Variants in NALCN observed in about 807,000 individuals in gnomAD.
The protein encoded by NALCN is sodium leak channel NALCN.
In NALCN, 111 loss-of-function variants were observed where a neutral mutation model predicts 225.3. That is an observed-to-expected ratio of 0.49 (90% CI 0.42 to 0.58). The LOEUF is 0.58. Among genes scored for constraint, NALCN ranks in the 20% least tolerant of loss-of-function variants. NALCN has a pLI of 0.00. For missense variants in NALCN, 1,378 were observed against 2,202.4 expected (o/e 0.63, Z 7.49); for synonymous variants, 764 against 769.0 (o/e 0.99, Z 0.11).
intron 7 of NALCN, among the ~76,000 whole-genome samples, chr13:101,304,414 G>A (rs1160300040): frequency 1.3e-5 from 2 of 152,018 alleles, no homozygotes; most frequent in Non-Finnish European, 2.9e-5. Context: ...TTGTCCTCAT[G>A]CTCTCCCTCC....
chr13:101,161,405 T>G (rs545731398), intron 15 of NALCN, among the ~76,000 whole-genome samples: 1 of 152,324 alleles, frequency 6.6e-6, no homozygotes, highest in African/African-American at 2.4e-5. Context: ...ATTTCATTCA[T>G]GCAACTGTAG....
At position 101,089,741 on chromosome 13, in the gene NALCN, A is replaced by G. The variant is rs886921977; in HGVS notation, c.3411T>C (p.His1137=). 1.2e-6 allele frequency: 2 copies of G among 1,613,976 alleles called. No individual in the cohort carries two copies. The highest frequency in any genetic ancestry group is 1.7e-6 in the Non-Finnish European group (2 of 1,179,938). Reference sequence around the variant, plus strand: ...TCATGCAACCCAGGAATACAAAAACATGAATATAGATTCCATGGATCTGCA... The same window carrying G: ...TCATGCAACCCAGGAATACAAAAACGTGAATATAGATTCCATGGATCTGCA... The part of the protein sequence containing the change: ...RVGPIHGIYI[H]VFVFLGCMIG... The change falls in exon 30 of 44, where the codon CAT becomes CAC. Residue 1137 remains histidine, a synonymous_variant. Coordinates refer to ENST00000251127, the MANE Select transcript of NALCN (RefSeq NM_052867.4). This position sits in a 1 kb window ranked among gnomAD's most constrained non-coding sequence, Gnocchi z 4.7.
chr13:101,252,364 T>A (rs925060262), intron 11 of NALCN, among the ~76,000 whole-genome samples: 2 of 152,320 alleles, frequency 1.3e-5, no homozygotes, highest in East Asian at 3.9e-4. Context: ...AAAATAAATA[T>A]TTCCTGTGGG....
intron 20 of NALCN, among the ~76,000 whole-genome samples, chr13:101,108,128 G>T (rs1170897949): frequency 6.8e-6 from 1 of 147,820 alleles, no homozygotes; most frequent in South Asian, 2.1e-4. Flanking sequence ...TATACTAAAG[G>T]TATATATTTA....
chr13:101,221,829 T>C (rs1000944221), intron 13 of NALCN, among the ~76,000 whole-genome samples: 1 of 152,168 alleles, frequency 6.6e-6, no homozygotes, highest in Non-Finnish European at 1.5e-5. Flanking sequence ...ACAAATCCCA[T>C]TTCCTAAAAC....
chr13:101,415,228 T>TAC (rs1555349521), intron 1 of NALCN, among the ~76,000 whole-genome samples: 62,438 of 125,410 alleles, frequency 0.5, 17,801 homozygotes, highest in Non-Finnish European at 0.63. Flanking sequence ...TATATATACA[T>TAC]ACATATATAT....
intron 14 of NALCN, among the ~76,000 whole-genome samples, chr13:101,189,885 C>T (rs887556446): frequency 6.6e-6 from 1 of 152,148 alleles, no homozygotes. Context: ...TCATCTTGTG[C>T]TCTGTGGATT....
chr13:101,256,279 G>C (rs957338711), intron 11 of NALCN, among the ~76,000 whole-genome samples: 1 of 151,954 alleles, frequency 6.6e-6, no homozygotes, highest in East Asian at 1.9e-4. Context: ...ACCATATAGA[G>C]ACCATTGATC....
At chr13:101,371,242 T>C (rs1360019205) in intron 6 of NALCN, among the ~76,000 whole-genome samples, 2 of 152,194 alleles carry the variant, frequency 1.3e-5, no homozygotes, top group East Asian at 3.9e-4. Flanking sequence ...TGGACATACA[T>C]TTTTATTTAT....
chr13:101,259,976 T>A (rs1425521241), intron 10 of NALCN, among the ~76,000 whole-genome samples: 2 of 124,914 alleles, frequency 1.6e-5, no homozygotes, highest in East Asian at 5.0e-4. Flanking sequence ...TATCTATTCT[T>A]TCTATTTTTT....
At chr13:101,404,201 G>A (rs2047555142) in intron 1 of NALCN, among the ~76,000 whole-genome samples, 1 of 152,036 alleles carries the variant, frequency 6.6e-6, no homozygotes, top group African/African-American at 2.4e-5. Context: ...GTACCTTACT[G>A]CTGGCTCCAT....
intron 18 of NALCN, among the ~76,000 whole-genome samples, chr13:101,113,130 A>G (rs1021637258): frequency 6.6e-6 from 1 of 152,220 alleles, no homozygotes; most frequent in Non-Finnish European, 1.5e-5. Context: ...AAACAGCATG[A>G]AGCAACTTTT....
At chr13:101,108,729 C>T (rs933372447) in intron 20 of NALCN, among the ~76,000 whole-genome samples, 1 of 152,122 alleles carries the variant, frequency 6.6e-6, no homozygotes, top group Non-Finnish European at 1.5e-5. Flanking sequence ...CTTCACAGCC[C>T]TTTAGATGGA....
At chr13:101,163,645 A>G (rs942040960) in intron 15 of NALCN, among the ~76,000 whole-genome samples, 1 of 152,118 alleles carries the variant, frequency 6.6e-6, no homozygotes, top group African/African-American at 2.4e-5. Flanking sequence ...TTCCAAGGGT[A>G]CGTCCATTGT....
At chr13:101,246,935 A>G (rs1055094538) in intron 11 of NALCN, among the ~76,000 whole-genome samples, 2 of 152,218 alleles carry the variant, frequency 1.3e-5, no homozygotes, top group African/African-American at 2.4e-5. Context: ...TTCATGATTT[A>G]TGAAACCCCT....
At chr13:101,242,615 C>G (rs1249624036) in intron 11 of NALCN, among the ~76,000 whole-genome samples, 1 of 105,762 alleles carries the variant, frequency 9.5e-6, no homozygotes, top group African/African-American at 3.4e-5. Context: ...TTCAAAGATC[C>G]CTATTTGACA....
chr13:101,170,646 G>C (rs1273312904), intron 15 of NALCN, among the ~76,000 whole-genome samples: 1 of 152,154 alleles, frequency 6.6e-6, no homozygotes, highest in Non-Finnish European at 1.5e-5. Context: ...CAGTCAATAA[G>C]AAAGGAAAGC....
chr13:101,206,567 A>C (rs1476446461), intron 13 of NALCN, among the ~76,000 whole-genome samples: 3 of 146,556 alleles, frequency 2.0e-5, no homozygotes, highest in Non-Finnish European at 4.6e-5. Context: ...TGCCATTTAA[A>C]AAATAGTTTT....
chr13:101,364,513 A>G (rs1304465525), intron 6 of NALCN, among the ~76,000 whole-genome samples: 1 of 152,144 alleles, frequency 6.6e-6, no homozygotes, highest in Non-Finnish European at 1.5e-5. Context: ...TCTCACTCAT[A>G]TTTAGGCCTT....
Sources: gnomAD v4.1 joint callset for allele counts (sites outside exome capture counted in the v4.1 genomes callset) on GRCh38, gnomAD v4.1.1 for gene constraint, Gnocchi (gnomAD v3.1) non-coding constraint, MANE v1.5 for transcripts, NCBI Gene and HGNC (gene_info 2026-07-23, HGNC 2026-07-21) for gene names.